Variants in ANK3 observed in about 807,000 individuals in gnomAD.
The protein encoded by ANK3 is ankyrin 3, also known as ankyrin-3.
Under a neutral mutation model 370.9 loss-of-function variants are expected in ANK3, and 57 were observed. The observed-to-expected ratio is 0.15, with a 90% CI of 0.12 to 0.19. ANK3 has a LOEUF of 0.19. Among genes scored for constraint, ANK3 ranks in the 10% least tolerant of loss-of-function variants. The probability of loss-of-function intolerance (pLI) is 1.00; values close to 1 mark genes in which losing one functional copy is unlikely to be tolerated. For synonymous variants in ANK3, 1,929 were observed against 1,946.3 expected, an observed-to-expected ratio of 0.99 and a Z score of 0.23; for missense variants, 4,439 against 5,302.1, an observed-to-expected ratio of 0.84 and a Z score of 5.06.
At chr10:60,037,341 A>G (rs2075234605) in intron 43 of ANK3, among the ~76,000 whole-genome samples, 1 of 152,058 alleles carries the variant, frequency 6.6e-6, no homozygotes, top group African/African-American at 2.4e-5. Context: ...GCACACAAAC[A>G]ATTATTTTAT....
Position 60,274,109 on chromosome 10 carries a change from A to G in ANK3, c.415-3880T>C, listed in dbSNP as rs561078026. On this transcript the variant is annotated intron_variant, in intron 4 of 43. Coordinates refer to ENST00000280772, the MANE Select transcript of ANK3 (RefSeq NM_020987.5). ...ACCCTTAGCTTCCTGAGTAGCTAGG[A>G]CTATGGGCATGCACTACCACATCTG... is the stretch of plus-strand genomic sequence containing the variant. Among the ~76,000 whole-genome samples, 5 of 152,064 alleles carry G rather than the reference A, an allele frequency of 3.3e-5. No homozygotes were observed. The South Asian group carries it at 1.0e-3, about 32-fold the overall frequency.
chr10:60,331,685 C>T (rs2051364085), intron 1 of ANK3, among the ~76,000 whole-genome samples: 1 of 151,980 alleles, frequency 6.6e-6, no homozygotes, highest in African/African-American at 2.4e-5. Flanking sequence ...AAGGCAAATC[C>T]AAACAGGTCA....
At chr10:60,084,220 C>T (rs2086070803) in intron 32 of ANK3, 1 of 154,302 alleles carries the variant, frequency 6.5e-6, no homozygotes, top group African/African-American at 2.4e-5. Flanking sequence ...GCCTGGCTAA[C>T]ATGGTGAAAC....
intron 1 of ANK3, among the ~76,000 whole-genome samples, chr10:60,725,578 A>G (rs2079929894): frequency 6.6e-6 from 1 of 152,148 alleles, no homozygotes; most frequent in African/African-American, 2.4e-5. Context: ...TTAGCTCCCT[A>G]AGAACCAGGA....
At chr10:60,647,852 CTTTT>C (rs10591129) in intron 1 of ANK3, among the ~76,000 whole-genome samples, 2 of 144,352 alleles carry the variant, frequency 1.4e-5, no homozygotes, top group Admixed American at 6.9e-5. Flanking sequence ...CAAAATTTGC[CTTTT>C]TTTTTTTTTT....
intron 1 of ANK3, among the ~76,000 whole-genome samples, chr10:60,371,952 A>T (rs192099992): frequency 3.5e-4 from 54 of 152,344 alleles, no homozygotes; most frequent in Non-Finnish European, 5.9e-5. Flanking sequence ...TTGTTCCTTA[A>T]TCAATATTTA....
At position 60,585,892 on chromosome 10, in the gene ANK3, C is replaced by T. The variant is rs373709021; in HGVS notation, c.96+29294G>A. ...TTCAAAAATTAGCTCGACGTGGTGG[C>T]GGGTACCTGTAATCCCAGCTACTTG... is the stretch of plus-strand genomic sequence containing the variant. On this transcript the variant is annotated intron_variant, in intron 2 of 43. Coordinates refer to the ANK3 transcript ENST00000373827. 1.4e-4 allele frequency among the ~76,000 whole-genome samples: 22 copies of T among 152,070 alleles called. No homozygotes were observed. The South Asian group carries it at 1.9e-3, about 13-fold the overall frequency.
At chr10:60,271,100 T>A (rs1039371395) in intron 4 of ANK3, among the ~76,000 whole-genome samples, 2 of 152,188 alleles carry the variant, frequency 1.3e-5, no homozygotes, top group Non-Finnish European at 2.9e-5. Context: ...AATAATGTAT[T>A]TCATATCTAT....
intron 7 of ANK3, 145 bp from the exon 8 acceptor site, chr10:60,234,931 C>T: frequency 1.8e-6 from 1 of 556,900 alleles, no homozygotes; most frequent in Non-Finnish European, 3.3e-6. Flanking sequence ...ATACTTCTGA[C>T]AGGAATTTTC....
At chr10:60,624,705 T>C (rs1446220845) in intron 1 of ANK3, among the ~76,000 whole-genome samples, 1 of 145,642 alleles carries the variant, frequency 6.9e-6, no homozygotes, top group Non-Finnish European at 1.5e-5. Context: ...CAACAGTGCA[T>C]GAGATTATAG....
chr10:60,656,164 C>T (rs186531133), intron 1 of ANK3, among the ~76,000 whole-genome samples: 15 of 152,224 alleles, frequency 9.9e-5, no homozygotes, highest in Admixed American at 5.9e-4. Flanking sequence ...AAGGTTTTTA[C>T]GACAAACTTA....
At chr10:60,428,043 C>G (rs2063928902) in intron 2 of ANK3, among the ~76,000 whole-genome samples, 1 of 152,152 alleles carries the variant, frequency 6.6e-6, no homozygotes, top group African/African-American at 2.4e-5. Context: ...CCCACATCAG[C>G]AGTATCCTGC....
chr10:60,226,846 T>G (rs2097172280), intron 8 of ANK3, among the ~76,000 whole-genome samples: 1 of 150,190 alleles, frequency 6.7e-6, no homozygotes, highest in African/African-American at 2.4e-5. Flanking sequence ...GTTAGTTTTA[T>G]CTTTTGTGCT....
chr10:60,521,190 C>A (rs992292868), intron 2 of ANK3, among the ~76,000 whole-genome samples: 21 of 151,966 alleles, frequency 1.4e-4, no homozygotes. Flanking sequence ...TGTAGAACAT[C>A]TATATGTTAC....
In ANK3 at chr10:60,026,967, C is replaced by CA. The variant is rs2072432202; in HGVS notation, c.*2878dup. ...TGTTAGAAATACATAATGTCACATT[C>CA]AATCTACATATACATGTATAAATAT... On this transcript the variant is annotated 3_prime_UTR_variant, in exon 44 of 44. Transcript: ENST00000280772. The CA allele has an allele frequency of 6.6e-6, 1 of 152,128 alleles. No individual in the cohort carries two copies. Among genetic ancestry groups the CA allele is most frequent in the Non-Finnish European group, 1.5e-5 (1 of 68,024 alleles). The allele number at this position is 152,128 out of a possible 1,614,324, so 9.4% of individuals were successfully genotyped here. A position where few individuals can be genotyped will look rare whatever the true frequency, so the allele number is the denominator to read the frequency against.
intron 36 of ANK3, among the ~76,000 whole-genome samples, chr10:60,079,855 A>G (rs1242454504): frequency 6.6e-6 from 1 of 152,140 alleles, no homozygotes; most frequent in African/African-American, 2.4e-5. Context: ...GAGAATATAT[A>G]AACAGATAGG....
In ANK3 at chr10:60,085,251, C is replaced by T; in HGVS notation, c.3751G>A (p.Gly1251Ser). Residue 1251 changes from glycine (G) to serine (S), a missense_variant and splice_region_variant, in exon 31 of 44, where the codon GGC becomes AGC. This residue lies in a region of ANK3 where 702 missense variants were observed against 941.5 expected (regional missense o/e 0.75). Transcript: ENST00000280772. ...NLRLLCSITG[G>S]TSPAQWEDIT... ...TCTTCCCACTGAGCAGGCGAAGTGC[C>T]CCCTGAGAGAACAACAGCAGATATG... 6.2e-7 allele frequency: 1 copy of T among 1,608,918 alleles called. No homozygotes were observed. Among genetic ancestry groups the T allele is most frequent in the Non-Finnish European group, 8.5e-7 (1 of 1,177,492 alleles).
chr10:60,480,219 C>T (rs2075176141), intron 2 of ANK3, among the ~76,000 whole-genome samples: 1 of 152,106 alleles, frequency 6.6e-6, no homozygotes, highest in Admixed American at 6.5e-5. Flanking sequence ...ATGATGAGTT[C>T]AATTTGGTCT....
At chr10:60,259,740 C>A (rs2097778781) in intron 7 of ANK3, among the ~76,000 whole-genome samples, 2 of 152,168 alleles carry the variant, frequency 1.3e-5, no homozygotes, top group Admixed American at 1.3e-4. Flanking sequence ...ACTTCAAACA[C>A]CACCCTGACA....
Sources: gnomAD v4.1 joint callset for allele counts (sites outside exome capture counted in the v4.1 genomes callset) on GRCh38, gnomAD v4.1.1 for gene constraint, gnomAD v4.1.1 regional missense constraint, MANE v1.5 for transcripts, NCBI Gene and HGNC (gene_info 2026-07-23, HGNC 2026-07-21) for gene names.